Variants in EXOSC7 observed in about 807,000 individuals in gnomAD.
EXOSC7 encodes exosome complex component RRP42.
Under a neutral mutation model 34.3 loss-of-function variants are expected in EXOSC7, and 25 were observed. That is an observed-to-expected ratio of 0.73 (90% CI 0.53 to 1.02). The LOEUF (loss-of-function observed/expected upper bound fraction) is 1.02. Ranked by LOEUF, EXOSC7 falls within the 50% of genes least tolerant of loss-of-function variation. EXOSC7 has a pLI of 0.00. For synonymous variants in EXOSC7, 130 were observed against 143.0 expected (o/e 0.91, Z 0.65); for missense variants, 370 against 368.5 (o/e 1.00, Z -0.03).
rs139267448 is a variant in EXOSC7 at position 44,989,227 on chromosome 3, G to A, written c.145G>A (p.Ala49Thr). The change falls in exon 2 of 8, where the codon GCC becomes ACC. Residue 49 changes from alanine (A) to threonine (T), a missense_variant. Ala to Thr is a moderately conservative substitution (Grantham distance 58). Coordinates refer to ENST00000265564, the MANE Select transcript of EXOSC7 (RefSeq NM_015004.4). ...TDVVSNTSGS[A>T]RVKLGHTDIL... ...TGTGGTGTCCAACACTAGTGGGTCC[G>A]CCAGGGTCAAGCTGGTGAGTACTGT... is the stretch of plus-strand genomic sequence containing the variant. 117 of 1,613,352 alleles carry A rather than the reference G, an allele frequency of 7.3e-5. No homozygotes were observed. The highest frequency in any genetic ancestry group is 1.6e-4 in the Middle Eastern group (1 of 6,082).
chr3:44,985,536 A>C (rs1304465163), intron 1 of EXOSC7, among the ~76,000 whole-genome samples: 1 of 151,186 alleles, frequency 6.6e-6, no homozygotes, highest in Non-Finnish European at 1.5e-5. Flanking sequence ...ACAGCTCTTA[A>C]GGCGGCACAC....
intron 1 of EXOSC7, among the ~76,000 whole-genome samples, chr3:44,977,583 ATG>A (rs1349690515): frequency 1.9e-4 from 29 of 152,344 alleles, no homozygotes; most frequent in Middle Eastern, 3.4e-3. Context: ...AGTGGGACAT[ATG>A]TGTGTATTAC....
intron 1 of EXOSC7, among the ~76,000 whole-genome samples, chr3:44,980,212 A>G (rs1391704679): frequency 6.6e-6 from 1 of 152,114 alleles, no homozygotes; most frequent in African/African-American, 2.4e-5. Context: ...ACCAGAAGCC[A>G]GCAAAGGGAG....
At position 45,007,502 on chromosome 3, in the gene EXOSC7, A is replaced by G. The variant is rs1330943636; in HGVS notation, c.698A>G (p.Lys233Arg). The part of the protein sequence containing the change: ...LASLLVSVTS[K>R]GVVTCMRKVG... ...AGCTTGCTGGTGTCGGTGACCAGCA[A>G]GGGAGTTGTGACGTGCATGAGGAAA... Residue 233 changes from lysine to arginine, a missense_variant, in exon 7 of 8, where the codon AAG becomes AGG. Lys to Arg is a conservative substitution (Grantham distance 26). Transcript: ENST00000265564. 9.9e-6 allele frequency: 16 copies of G among 1,614,008 alleles called. No homozygotes were observed. Among genetic ancestry groups the G allele is most frequent in the Non-Finnish European group, 1.4e-5 (16 of 1,180,014 alleles).
chr3:44,989,522 T>G (rs1706513729), intron 2 of EXOSC7, 28 bp from the exon 3 acceptor site: 1 of 1,566,770 alleles, frequency 6.4e-7, no homozygotes, highest in African/African-American at 1.4e-5. Context: ...ATACTCTGAG[T>G]GAGGACTCTT....
At chr3:44,982,749 T>C (rs1706304360) in intron 1 of EXOSC7, among the ~76,000 whole-genome samples, 1 of 152,240 alleles carries the variant, frequency 6.6e-6, no homozygotes, top group African/African-American at 2.4e-5. Flanking sequence ...TTTAGCTCTC[T>C]GCCCTTTCTG....
chr3:45,004,420 T>C (rs1706971403), intron 5 of EXOSC7: 1 of 152,122 alleles, frequency 6.6e-6, no homozygotes, highest in South Asian at 2.1e-4. Context: ...CACACCCAGC[T>C]AATTTTTGTA....
intron 3 of EXOSC7, among the ~76,000 whole-genome samples, chr3:44,991,901 T>C (rs1706584307): frequency 6.6e-6 from 1 of 152,148 alleles, no homozygotes; most frequent in African/African-American, 2.4e-5. Flanking sequence ...ACACTTTACC[T>C]TCTTTAAGTG....
chr3:44,999,947 C>A (rs1706829243), intron 4 of EXOSC7, among the ~76,000 whole-genome samples: 1 of 152,218 alleles, frequency 6.6e-6, no homozygotes, highest in African/African-American at 2.4e-5. Flanking sequence ...AGTCCTCAGA[C>A]AGAGCCCATG....
chr3:44,982,668 T>C (rs1024162835), intron 1 of EXOSC7, among the ~76,000 whole-genome samples: 2 of 152,326 alleles, frequency 1.3e-5, no homozygotes, highest in Admixed American at 1.3e-4. Flanking sequence ...AACTATGAGA[T>C]TGAGCAGTCA....
intron 4 of EXOSC7, among the ~76,000 whole-genome samples, chr3:44,999,057 G>C (rs963978569): frequency 6.6e-6 from 1 of 152,238 alleles, no homozygotes; most frequent in Non-Finnish European, 1.5e-5. Flanking sequence ...TTCATCCTCA[G>C]TATTCATGCA....
At chr3:44,983,562 A>T (rs889640593) in intron 1 of EXOSC7, among the ~76,000 whole-genome samples, 2 of 152,204 alleles carry the variant, frequency 1.3e-5, no homozygotes, top group Non-Finnish European at 2.9e-5. Context: ...TGTTGTGATC[A>T]CATGGGTAAC....
rs1295127202 is a variant in EXOSC7 at position 44,977,287 on chromosome 3, G to C, written c.57+953G>C. The stretch of plus-strand genomic sequence containing the variant: ...TATCAGAGTTCTTCATCCCATCCTT[G>C]GCAGAGTTCTGGCGACAGCTCCTAC... On this transcript the variant is annotated intron_variant, in intron 1 of 7. Transcript: ENST00000265564. 2.6e-5 allele frequency: 4 copies of C among 152,184 alleles called. No individual in the cohort carries two copies. In the East Asian group the frequency reaches 7.7e-4, roughly 29 times the overall value. The allele number at this position is 152,184 out of a possible 1,614,324, so 9.4% of individuals were successfully genotyped here.
At chr3:44,979,519 A>G (rs1285509230) in intron 1 of EXOSC7, among the ~76,000 whole-genome samples, 1 of 152,124 alleles carries the variant, frequency 6.6e-6, no homozygotes. Flanking sequence ...TAACCAACAC[A>G]TCGGCTCAAG....
intron 1 of EXOSC7, among the ~76,000 whole-genome samples, chr3:44,986,932 A>G (rs765861819): frequency 6.6e-6 from 1 of 152,062 alleles, no homozygotes; most frequent in Non-Finnish European, 1.5e-5. Flanking sequence ...GTTTTATTTT[A>G]TTTTTTATGT....
At chr3:44,987,664 A>G (rs996172249) in intron 1 of EXOSC7, among the ~76,000 whole-genome samples, 2 of 151,556 alleles carry the variant, frequency 1.3e-5, no homozygotes, top group Non-Finnish European at 2.9e-5. Context: ...ACTGGAAAAC[A>G]GTATTTTGCC....
At chr3:44,994,963 A>T (rs1576013843) in intron 3 of EXOSC7, among the ~76,000 whole-genome samples, 1 of 151,512 alleles carries the variant, frequency 6.6e-6, no homozygotes, top group Non-Finnish European at 1.5e-5. Flanking sequence ...TCAAAAAAAA[A>T]CCAGTGGGGC....
intron 1 of EXOSC7, among the ~76,000 whole-genome samples, chr3:44,979,525 T>C (rs1312826468): frequency 6.6e-6 from 1 of 152,154 alleles, no homozygotes; most frequent in African/African-American, 2.4e-5. Flanking sequence ...ACACATCGGC[T>C]CAAGCAAAAC....
chr3:44,987,092 TA>T (rs34686659), intron 1 of EXOSC7, among the ~76,000 whole-genome samples: 7,131 of 136,072 alleles, frequency 0.052, 324 homozygotes, highest in African/African-American at 0.14. Context: ...AGTTAAGTGT[TA>T]AAAAAAAAAA....
Sources: allele counts gnomAD v4.1 joint callset (sites outside exome capture counted in the v4.1 genomes callset), GRCh38; gene constraint gnomAD v4.1.1; transcripts MANE v1.5; gene names NCBI Gene and HGNC (gene_info 2026-07-23, HGNC 2026-07-21).